SPPL3: variants seen among roughly 807,000 people sequenced by gnomAD.
The protein encoded by SPPL3 is signal peptide peptidase like 3.
In SPPL3, 5 loss-of-function variants were observed where a neutral mutation model predicts 42.4. That is an observed-to-expected ratio of 0.12 (90% CI 0.06 to 0.25). SPPL3 has a LOEUF of 0.25. Ranked by LOEUF, SPPL3 falls within the 10% of genes least tolerant of loss-of-function variation. The pLI, the probability that SPPL3 is intolerant of heterozygous loss-of-function variation, is 1.00. For missense variants in SPPL3, 235 were observed against 489.0 expected (o/e 0.48, Z 4.90); for synonymous variants, 195 against 181.8 (o/e 1.07, Z -0.58).
At chr12:120,778,433 C>CA (rs948771309) in intron 6 of SPPL3, among the ~76,000 whole-genome samples, 6 of 152,004 alleles carry the variant, frequency 3.9e-5, no homozygotes, top group Non-Finnish European at 5.9e-5. Flanking sequence ...GTAAAATTGA[C>CA]AGTTTCTCTT....
intron 2 of SPPL3, among the ~76,000 whole-genome samples, chr12:120,802,665 C>A (rs1288938754): frequency 6.6e-6 from 1 of 151,868 alleles, no homozygotes; most frequent in South Asian, 2.1e-4. Flanking sequence ...GAACTCCTGA[C>A]CTCACGTGAT....
In SPPL3 at chr12:120,810,843, T is replaced by A; in HGVS notation, c.67A>T (p.Ile23Phe). The change falls in exon 2 of 11, where the codon ATT becomes TTT. Residue 23 changes from isoleucine (I) to phenylalanine (F), a missense_variant. Transcript: ENST00000353487. ...CCATAGACTATAAGAAGAATGGAAATCAGAAATGTAGACACTTGACTGGAA... is the reference window on the plus strand; with the variant it reads ...CCATAGACTATAAGAAGAATGGAAAACAGAAATGTAGACACTTGACTGGAA... The part of the protein sequence containing the change: ...VDSSQVSTFL[I>F]SILLIVYGSF... The A allele has an allele frequency of 1.9e-6, 3 of 1,613,148 alleles. No homozygotes were observed. The highest frequency in any genetic ancestry group is 1.7e-6 in the Non-Finnish European group (2 of 1,179,260).
rs140962765 is a variant in SPPL3 at position 120,776,582 on chromosome 12, T to G, written c.502+6073A>C. Among the ~76,000 whole-genome samples the G allele has an allele frequency of 3.7e-3, 567 of 152,308 alleles. 2 individuals are homozygous for G. The highest frequency in any genetic ancestry group is 0.013 in the African/African-American group (540 of 41,564). ...TCACCTTCCACCATGCTGAACTTTT[T>G]TTTTTTGGTAACATACTATTAGTAA... On this transcript the variant is annotated intron_variant, in intron 6 of 10. Transcript: ENST00000353487.
At chr12:120,779,321 A>C (rs1450833719) in intron 6 of SPPL3, among the ~76,000 whole-genome samples, 1 of 152,216 alleles carries the variant, frequency 6.6e-6, no homozygotes, top group Admixed American at 6.5e-5. Context: ...AGCTGCAGGG[A>C]AACACTGCCT....
At chr12:120,815,099 T>C (rs2137004567) in intron 1 of SPPL3, among the ~76,000 whole-genome samples, 1 of 152,356 alleles carries the variant, frequency 6.6e-6, no homozygotes, top group East Asian at 1.9e-4. Context: ...AAATTATACC[T>C]GCATTGCACA....
intron 2 of SPPL3, among the ~76,000 whole-genome samples, chr12:120,803,019 A>G (rs1475936802): frequency 6.6e-6 from 1 of 152,250 alleles, no homozygotes; most frequent in Non-Finnish European, 1.5e-5. Context: ...AATGAACTTA[A>G]CATTATATCC....
intron 6 of SPPL3, among the ~76,000 whole-genome samples, chr12:120,778,044 C>G (rs1326726523): frequency 6.8e-6 from 1 of 147,416 alleles, no homozygotes; most frequent in Non-Finnish European, 1.5e-5. Context: ...ACTATGAAAA[C>G]AGATTTACAT....
chr12:120,815,034 G>A (rs1870819373), intron 1 of SPPL3, among the ~76,000 whole-genome samples: 1 of 152,068 alleles, frequency 6.6e-6, no homozygotes, highest in African/African-American at 2.4e-5. Context: ...TGGACACTGG[G>A]GTTGTTTCCA....
intron 1 of SPPL3, chr12:120,845,573 A>G: frequency 2.1e-6 from 1 of 480,054 alleles, no homozygotes; most frequent in South Asian, 2.1e-5. Flanking sequence ...TCTTCCCTGC[A>G]GCATCCAGGC....
At chr12:120,836,516 G>A (rs766906138) in intron 1 of SPPL3, among the ~76,000 whole-genome samples, 5 of 151,874 alleles carry the variant, frequency 3.3e-5, no homozygotes, top group Admixed American at 2.0e-4. Context: ...GGTAGAGTCC[G>A]GCAGACACCA....
chr12:120,836,633 A>T (rs1272041001), intron 1 of SPPL3, among the ~76,000 whole-genome samples: 1 of 152,210 alleles, frequency 6.6e-6, no homozygotes, highest in Non-Finnish European at 1.5e-5. Flanking sequence ...TTAAAATGGC[A>T]AACAGATTAG....
chr12:120,865,057 T>C (rs1872719688), intron 1 of SPPL3, among the ~76,000 whole-genome samples: 2 of 152,306 alleles, frequency 1.3e-5, no homozygotes, highest in South Asian at 2.1e-4. Context: ...TATAAAGGTT[T>C]GACCTTGAGG....
chr12:120,787,909 T>C (rs1039908446), intron 3 of SPPL3, among the ~76,000 whole-genome samples: 2 of 152,220 alleles, frequency 1.3e-5, no homozygotes, highest in African/African-American at 2.4e-5. Flanking sequence ...AATTTATCCA[T>C]TCTACGGTTG....
intron 1 of SPPL3, among the ~76,000 whole-genome samples, chr12:120,823,037 A>C (rs1051238265): frequency 6.6e-6 from 1 of 151,940 alleles, no homozygotes; most frequent in Admixed American, 6.6e-5. Flanking sequence ...GGAACTCAGC[A>C]TGGAGGCCTA....
At chr12:120,868,928 C>T (rs777077367) in intron 1 of SPPL3, among the ~76,000 whole-genome samples, 1 of 152,202 alleles carries the variant, frequency 6.6e-6, no homozygotes, top group Non-Finnish European at 1.5e-5. Context: ...AGTCAATTCA[C>T]TGGCTCCCAA....
intron 2 of SPPL3, among the ~76,000 whole-genome samples, chr12:120,797,497 C>T (rs751462715): frequency 1.3e-4 from 20 of 152,188 alleles, no homozygotes; most frequent in Non-Finnish European, 2.4e-4. Flanking sequence ...TGAGGGTTTA[C>T]ATGTTTTTTT....
chr12:120,900,361 CAGCACTTCGGGAGGCCAA>C (rs1873936784), intron 1 of SPPL3, among the ~76,000 whole-genome samples: 1 of 151,842 alleles, frequency 6.6e-6, no homozygotes, highest in Admixed American at 6.6e-5. Flanking sequence ...CCTATAATCC[CAGCACTTCGGGAGGCCAA>C]AGCAGGCAGA....
intron 1 of SPPL3, among the ~76,000 whole-genome samples, chr12:120,898,738 T>C (rs1036826881): frequency 6.6e-6 from 1 of 152,224 alleles, no homozygotes; most frequent in Admixed American, 6.5e-5. Flanking sequence ...AATCTTCCCT[T>C]TGAGCCCTTT....
chr12:120,765,657 T>G (rs1868860929), intron 10 of SPPL3, among the ~76,000 whole-genome samples: 1 of 152,166 alleles, frequency 6.6e-6, no homozygotes, highest in Non-Finnish European at 1.5e-5. Flanking sequence ...CATTCAAAAA[T>G]AACCCACTAT....
Sources: allele counts gnomAD v4.1 joint callset (sites outside exome capture counted in the v4.1 genomes callset), GRCh38; gene constraint gnomAD v4.1.1; transcripts MANE v1.5; gene names NCBI Gene and HGNC (gene_info 2026-07-23, HGNC 2026-07-21).